CCKAR: variants seen among roughly 807,000 people sequenced by gnomAD.
CCKAR encodes the protein cholecystokinin receptor type A.
In CCKAR, 21 loss-of-function variants were observed where a neutral mutation model predicts 29.8. The observed-to-expected ratio is 0.70, with a 90% CI of 0.50 to 1.01. The LOEUF (loss-of-function observed/expected upper bound fraction) is 1.01, where lower values mean the gene tolerates loss of function less well. Ranked by LOEUF, CCKAR falls within the 50% of genes least tolerant of loss-of-function variation. The probability of loss-of-function intolerance (pLI) is 0.00; values close to 1 mark genes in which losing one functional copy is unlikely to be tolerated. For missense variants in CCKAR, 570 were observed against 560.6 expected (o/e 1.02, Z -0.17); for synonymous variants, 238 against 221.3 (o/e 1.08, Z -0.67).
In CCKAR at chr4:26,485,899, C is replaced by A; in HGVS notation, c.365-1G>T. On this transcript the variant is annotated splice_acceptor_variant, in intron 2 of 4. Transcript: ENST00000295589. LOFTEE classifies it high-confidence loss of function. The stretch of plus-strand genomic sequence containing the variant: ...AAGGTAGATACACTCACAGAGGTGC[C>A]TGGGAAAGGAACAAAGAAGCCGGTT... 1 of 1,611,188 alleles carries A rather than the reference C, an allele frequency of 6.2e-7. No homozygotes were observed. Among genetic ancestry groups the A allele is most frequent in the Non-Finnish European group, 8.5e-7 (1 of 1,178,020 alleles).
chr4:26,490,362 C>T lies in CCKAR; in HGVS notation c.-95G>A. 2 of 813,604 alleles carry T rather than the reference C, an allele frequency of 2.5e-6. No homozygotes were observed. Among genetic ancestry groups the T allele is most frequent in the South Asian group, 1.5e-5 (1 of 68,718 alleles). The allele number at this position is 813,604 out of a possible 1,614,324, so 50.4% of individuals were successfully genotyped here. A position where few individuals can be genotyped will look rare whatever the true frequency, so the allele number is the denominator to read the frequency against. On this transcript the variant is annotated 5_prime_UTR_variant, in exon 1 of 5. Coordinates refer to ENST00000295589, the MANE Select transcript of CCKAR (RefSeq NM_000730.3). ...TGACCGAAGCGTCTCGCAGATGCAA[C>T]CTGCCGTGGAGGAGCAGGGAGGGAG...
intron 3 of CCKAR, among the ~76,000 whole-genome samples, chr4:26,485,411 T>C (rs1737429847): frequency 6.6e-6 from 1 of 151,832 alleles, no homozygotes; most frequent in Non-Finnish European, 1.5e-5. Flanking sequence ...TATCTTAGAG[T>C]GTTTTCAGAG....
rs148250194 is a variant in CCKAR at position 26,488,367 on chromosome 4, G to A, written c.364+866C>T. On this transcript the variant is annotated intron_variant, in intron 2 of 4. Coordinates refer to ENST00000295589, the MANE Select transcript of CCKAR (RefSeq NM_000730.3). ...ATCTGTGTGGTTCTAGGCACATTAT[G>A]GACCTCTCTGTGCCTCTGTTTCCTC... is the stretch of plus-strand genomic sequence containing the variant. 3.3e-3 allele frequency among the ~76,000 whole-genome samples: 510 copies of A among 152,248 alleles called. 3 individuals carry two copies. Among genetic ancestry groups the A allele is most frequent in the African/African-American group, 0.011 (477 of 41,534 alleles).
In CCKAR at chr4:26,490,171, G is replaced by T. The variant is rs61730704; in HGVS notation, c.97C>A (p.Pro33Thr). ...ENETLFCLDQ[P>T]RPSKEWQPAV... ...CGACACTTACCTTTGGAAGGACGGG[G>T]CTGATCCAAGCAGAAAAGCGTCTCA... Residue 33 changes from proline (P) to threonine (T), a missense_variant, in exon 1 of 5, where the codon CCC becomes ACC. Pro to Thr is a conservative substitution (Grantham distance 38). Transcript: ENST00000295589. 1.3e-3 allele frequency: 2,110 copies of T among 1,610,888 alleles called. 27 individuals carry two copies. The African/African-American group carries it at 0.025, about 19-fold the overall frequency.
rs1737355542 is a variant in CCKAR, at chr4:26,481,922, A to AG, written c.1002dup (p.Trp335LeufsTer127). The AG allele has an allele frequency of 6.2e-7, 1 of 1,614,150 alleles. No individual in the cohort carries two copies. The highest frequency in any genetic ancestry group is 1.3e-5 in the African/African-American group (1 of 74,956). On this transcript the variant is annotated frameshift_variant, in exon 5 of 5. Coordinates refer to ENST00000295589, the MANE Select transcript of CCKAR (RefSeq NM_000730.3). LOFTEE classifies it high-confidence loss of function. Reference sequence around the variant, plus strand: ...GCGGAGGCGGTGTCGTAGGCCCGCCAGGCGTTGGCGCTGAAGATGGGCATC... The same window carrying AG: ...GCGGAGGCGGTGTCGTAGGCCCGCCAGGGCGTTGGCGCTGAAGATGGGCATC...
chr4:26,482,707 T>C (rs1283308292), intron 4 of CCKAR, among the ~76,000 whole-genome samples: 1 of 152,150 alleles, frequency 6.6e-6, no homozygotes, highest in East Asian at 1.9e-4. Flanking sequence ...TGAGGCTTTG[T>C]GGCCACTGCA....
At position 26,481,863 on chromosome 4, in the gene CCKAR, G is replaced by A. The variant is rs1249490738; in HGVS notation, c.1062C>T (p.Phe354=). 6 of 1,614,006 alleles carry A rather than the reference G, an allele frequency of 3.7e-6. No individual in the cohort carries two copies. Among genetic ancestry groups the A allele is most frequent in the Non-Finnish European group, 5.1e-6 (6 of 1,179,992 alleles). The change falls in exon 5 of 5, where the codon TTC becomes TTT. Residue 354 remains phenylalanine, a synonymous_variant. Transcript: ENST00000295589. ...ERRLSGTPIS[F]ILLLSYTSSC... is the part of the protein sequence containing the mutation. ...AGGAGGTGTAGGACAGGAGGAGGAT[G>A]AAGGAAATGGGGGTTCCTGAGAGGC...
rs199614937 is a variant in CCKAR at position 26,482,038 on chromosome 4, A to C, written c.887T>G (p.Ile296Ser). The C allele has an allele frequency of 2.5e-5, 41 of 1,614,110 alleles. No individual in the cohort carries two copies. The highest frequency in any genetic ancestry group is 1.0e-4 in the Admixed American group (6 of 60,006). ...GTTGGCTGCGGAGCTGTTACTCCGG[A>C]TGCGGTTGGCCCTGCTGCTGCTGCC... ...STGSSSRANR[I>S]RSNSSAANLM... Residue 296 changes from isoleucine to serine, a missense_variant, in exon 5 of 5, where the codon ATC (isoleucine) becomes AGC (serine). By Grantham distance (142) the Ile-to-Ser change is moderately radical. Transcript: ENST00000295589.
rs201625798 is a variant in CCKAR at position 26,481,894 on chromosome 4, T to C, written c.1031A>G (p.Glu344Gly). 3.0e-5 allele frequency: 48 copies of C among 1,614,126 alleles called. No individual in the cohort carries two copies. Among genetic ancestry groups the C allele is most frequent in the Non-Finnish European group, 4.1e-5 (48 of 1,180,038 alleles). Reference sequence around the variant, plus strand: ...AATGGGGGTTCCTGAGAGGCGGCGCTCTGCGGAGGCGGTGTCGTAGGCCCG... The same window carrying C: ...AATGGGGGTTCCTGAGAGGCGGCGCCCTGCGGAGGCGGTGTCGTAGGCCCG... The part of the protein sequence containing the change: ...AWRAYDTASA[E>G]RRLSGTPISF... Residue 344 changes from glutamate to glycine, a missense_variant, in exon 5 of 5, where the codon GAG becomes GGG. By Grantham distance (98) the Glu-to-Gly change is moderately conservative. Transcript: ENST00000295589.
In CCKAR at chr4:26,489,471, C is replaced by T. The variant is rs373464236; in HGVS notation, c.126G>A (p.Ala42=). 9 of 1,613,670 alleles carry T rather than the reference C, an allele frequency of 5.6e-6. No homozygotes were observed. Among genetic ancestry groups the T allele is most frequent in the East Asian group, 4.5e-5 (2 of 44,860 alleles). ...TCAAGGAGTACAAGAGAATCTGCAC[C>T]GCTGGCTGCCACTCTGCAGAGAGAA... ...QPRPSKEWQP[A]VQILLYSLIF... The change falls in exon 2 of 5, where the codon GCG becomes GCA. Residue 42 remains alanine (A), a synonymous_variant. Transcript: ENST00000295589.
rs963520554 is a variant in CCKAR, at chr4:26,490,064, G to A, written c.112+92C>T. On this transcript the variant is annotated intron_variant, in intron 1 of 4. Coordinates refer to ENST00000295589, the MANE Select transcript of CCKAR (RefSeq NM_000730.3). ...ATCTAGCCTTGTCTCACAATGACTT[G>A]GTTATATATATTTTTTATCAGCCTT... is the stretch of plus-strand genomic sequence containing the variant. 443 of 765,166 alleles carry A rather than the reference G, an allele frequency of 5.8e-4. 4 individuals are homozygous for A. The highest frequency in any genetic ancestry group is 6.3e-5 in the Non-Finnish European group (28 of 441,828). 47.4% of individuals were successfully genotyped at this position (765,166 alleles called of 1,614,324 possible). A position where few individuals can be genotyped will look rare whatever the true frequency, so the allele number is the denominator to read the frequency against.
chr4:26,484,344 A>G (rs1737404831), intron 3 of CCKAR, among the ~76,000 whole-genome samples: 1 of 152,212 alleles, frequency 6.6e-6, no homozygotes, highest in African/African-American at 2.4e-5. Flanking sequence ...AAAGGAGGAA[A>G]GCAAAAAAAG....
rs201172528 is a variant in CCKAR at position 26,481,646 on chromosome 4, G to A, written c.1279C>T (p.Pro427Ser). ...GAGGGTCAGGGGACATCTCACTGGG[G>A]TGGCACCGAGGCACTCATATGGCTG... Reference protein sequence around the residue: ...SYSHMSASVPPQ With the variant: ...SYSHMSASVPSQ The change falls in exon 5 of 5, where the codon CCC (proline) becomes TCC (serine). Residue 427 changes from proline (P) to serine (S), a missense_variant. By Grantham distance (74) the Pro-to-Ser change is moderately conservative (BLOSUM62 -1). Transcript: ENST00000295589. The A allele has an allele frequency of 1.9e-6, 3 of 1,614,186 alleles. No individual in the cohort carries two copies. The Admixed American group carries it at 5.0e-5, about 27-fold the overall frequency.
intron 2 of CCKAR, among the ~76,000 whole-genome samples, chr4:26,488,053 T>C (rs1000385406): frequency 1.3e-5 from 2 of 152,116 alleles, no homozygotes; most frequent in South Asian, 2.1e-4. Context: ...TGAGGACTTA[T>C]AAGGCTTTCT....
chr4:26,487,780 C>T (rs1737477108), intron 2 of CCKAR, among the ~76,000 whole-genome samples: 1 of 152,210 alleles, frequency 6.6e-6, no homozygotes, highest in African/African-American at 2.4e-5. Flanking sequence ...CATTTAAAAT[C>T]TCGGTTCACA....
Position 26,481,623 on chromosome 4 carries a change from G to A in CCKAR, c.*15C>T. The stretch of plus-strand genomic sequence containing the variant: ...CTCCCTGCCTTCCTTCTGCGGTGGA[G>A]GGTCAGGGGACATCTCACTGGGGTG... On this transcript the variant is annotated 3_prime_UTR_variant, in exon 5 of 5. Transcript: ENST00000295589. 6.2e-7 allele frequency: 1 copy of A among 1,613,314 alleles called. No homozygotes were observed. The highest frequency in any genetic ancestry group is 8.5e-7 in the Non-Finnish European group (1 of 1,179,356).
rs1283929603 is a variant in CCKAR, at chr4:26,481,448, T to C, written c.*190A>G. 1.5e-6 allele frequency: 1 copy of C among 649,978 alleles called. No individual in the cohort carries two copies. Among genetic ancestry groups the C allele is most frequent in the Non-Finnish European group, 2.6e-6 (1 of 377,502 alleles). The allele number at this position is 649,978 out of a possible 1,614,324, so 40.3% of individuals were successfully genotyped here. On this transcript the variant is annotated 3_prime_UTR_variant, in exon 5 of 5. Transcript: ENST00000295589. ...CTGCTTTGAACTGCCTAGAAACCAA[T>C]CATGGCCCCACTGGAGCAGTGCTCT...
At position 26,482,172 on chromosome 4, in the gene CCKAR, T is replaced by C; in HGVS notation, c.755-2A>G. Reference sequence around the variant, plus strand: ...TGCTGGTGGTGCTAGGTTTCCTTTCTGGGTGGGCAAGAGACATCACTCATT... The same window carrying C: ...TGCTGGTGGTGCTAGGTTTCCTTTCCGGGTGGGCAAGAGACATCACTCATT... On this transcript the variant is annotated splice_acceptor_variant, in intron 4 of 4. Coordinates refer to ENST00000295589, the MANE Select transcript of CCKAR (RefSeq NM_000730.3). LOFTEE classifies it high-confidence loss of function. 6.2e-7 allele frequency: 1 copy of C among 1,604,356 alleles called. No homozygotes were observed. The highest frequency in any genetic ancestry group is 8.5e-7 in the Non-Finnish European group (1 of 1,174,198).
chr4:26,490,152 T>A lies in CCKAR; in HGVS notation c.112+4A>T. On this transcript the variant is annotated splice_donor_region_variant and intron_variant, in intron 1 of 4. Transcript: ENST00000295589. ...GAATTAAAATAACAGCTTCCGACAC[T>A]TACCTTTGGAAGGACGGGGCTGATC... is the stretch of plus-strand genomic sequence containing the variant. The A allele has an allele frequency of 1.3e-6, 2 of 1,598,394 alleles. No individual in the cohort carries two copies. The highest frequency in any genetic ancestry group is 1.7e-6 in the Non-Finnish European group (2 of 1,166,162).
Sources: allele counts gnomAD v4.1 joint callset (sites outside exome capture counted in the v4.1 genomes callset), GRCh38; gene constraint gnomAD v4.1.1; transcripts MANE v1.5; gene names NCBI Gene and HGNC (gene_info 2026-07-23, HGNC 2026-07-21).